Variants in PLEKHM3 observed in about 807,000 individuals in gnomAD.
PLEKHM3 encodes pleckstrin homology domain containing M3, also known as pleckstrin homology domain-containing family M member 3.
A neutral mutation model predicts 81.8 loss-of-function variants in PLEKHM3; 45 were observed. The ratio of observed to expected loss-of-function variants is 0.55; its 90% CI spans 0.43 to 0.71. The LOEUF is 0.71. PLEKHM3 is among the 30% of genes least tolerant of loss of function. The pLI is 0.00. For synonymous variants in PLEKHM3, 352 were observed against 356.4 expected, an observed-to-expected ratio of 0.99 and a Z score of 0.14; for missense variants, 788 against 924.3, an observed-to-expected ratio of 0.85 and a Z score of 1.91.
At chr2:207,960,728 C>T (rs537948505) in intron 3 of PLEKHM3, among the ~76,000 whole-genome samples, 6 of 152,248 alleles carry the variant, frequency 3.9e-5, no homozygotes, top group East Asian at 1.9e-4. Context: ...ACAGGAGAGT[C>T]GGGCTAAAGG....
At chr2:208,009,914 A>G (rs1225669081) in intron 1 of PLEKHM3, among the ~76,000 whole-genome samples, 1 of 152,148 alleles carries the variant, frequency 6.6e-6, no homozygotes, top group Non-Finnish European at 1.5e-5. Context: ...AAGCTTTTAC[A>G]TTTTTTTCTT....
chr2:207,939,448 A>G (rs1559247090), intron 4 of PLEKHM3, among the ~76,000 whole-genome samples: 1 of 152,126 alleles, frequency 6.6e-6, no homozygotes, highest in Non-Finnish European at 1.5e-5. Context: ...TAATGAAGAG[A>G]TTGGTGCTGG....
At chr2:207,916,973 A>G (rs1225652064) in intron 5 of PLEKHM3, among the ~76,000 whole-genome samples, 1 of 152,178 alleles carries the variant, frequency 6.6e-6, no homozygotes, top group Admixed American at 6.5e-5. Flanking sequence ...GCACCCTTTT[A>G]CAGTGCTGAT....
intron 6 of PLEKHM3, among the ~76,000 whole-genome samples, chr2:207,896,154 A>G (rs1688216087): frequency 6.6e-6 from 1 of 152,206 alleles, no homozygotes; most frequent in Non-Finnish European, 1.5e-5. Flanking sequence ...AAATCACAGA[A>G]TGAGGGCCCT....
chr2:207,972,099 A>C (rs1307621702), intron 3 of PLEKHM3, among the ~76,000 whole-genome samples: 1 of 152,228 alleles, frequency 6.6e-6, no homozygotes, highest in Non-Finnish European at 1.5e-5. Context: ...TGCAAATTTC[A>C]TGAAGGCAAG....
chr2:207,977,192 C>T lies in PLEKHM3; in HGVS notation c.1005G>A (p.Gln335=). Residue 335 remains glutamine, a synonymous_variant, in exon 3 of 8, where the codon CAG becomes CAA. Transcript: ENST00000427836. ...TGGTTTTCTTCTGGAAACTATGATT[C>T]TGTGTATAGTCATCATGATGGCCAA... ...PGLGHHDDYT[Q]NHSFQKKTSG... 6.2e-7 allele frequency: 1 copy of T among 1,614,178 alleles called. No individual in the cohort carries two copies. Among genetic ancestry groups the T allele is most frequent in the Non-Finnish European group, 8.5e-7 (1 of 1,180,028 alleles).
At chr2:207,990,448 CTCTTT>C in intron 2 of PLEKHM3, among the ~76,000 whole-genome samples, 1 of 152,212 alleles carries the variant, frequency 6.6e-6, no homozygotes, top group East Asian at 1.9e-4. Flanking sequence ...ACAATCATCA[CTCTTT>C]TCTTTGCATT....
intron 6 of PLEKHM3, among the ~76,000 whole-genome samples, chr2:207,881,734 A>C (rs1055343466): frequency 3.3e-5 from 5 of 152,022 alleles, no homozygotes; most frequent in African/African-American, 1.2e-4. Context: ...GGGTCTTCTT[A>C]CTCTTCTCCT....
At chr2:207,919,530 G>A (rs1483031158) in intron 5 of PLEKHM3, among the ~76,000 whole-genome samples, 2 of 152,158 alleles carry the variant, frequency 1.3e-5, no homozygotes, top group African/African-American at 4.8e-5. Flanking sequence ...CAGTGAAAGT[G>A]GTGAAAAGTG....
rs1308882933 is a variant in PLEKHM3, at chr2:207,869,622, C to T, written c.1951-8360G>A. Among the ~76,000 whole-genome samples, 3 of 152,044 alleles carry T rather than the reference C, an allele frequency of 2.0e-5. No homozygotes were observed. The East Asian group carries it at 5.8e-4, about 29-fold the overall frequency. On this transcript the variant is annotated intron_variant, in intron 6 of 7. Coordinates refer to ENST00000427836, the MANE Select transcript of PLEKHM3 (RefSeq NM_001080475.3). ...TAACAAAATTAGGTCACTTTATTGC[C>T]CTGTAACACAAAGACAAAATGTAGC...
intron 1 of PLEKHM3, among the ~76,000 whole-genome samples, chr2:208,023,499 T>C (rs571445879): frequency 1.3e-5 from 2 of 152,228 alleles, no homozygotes; most frequent in South Asian, 2.1e-4. Context: ...CACACAACAG[T>C]GAGCGATGGA....
At chr2:207,879,627 G>T (rs1574363641) in intron 6 of PLEKHM3, among the ~76,000 whole-genome samples, 1 of 152,342 alleles carries the variant, frequency 6.6e-6, no homozygotes, top group South Asian at 2.1e-4. Context: ...AAATGGAGAA[G>T]TTGCTGCCAC....
chr2:207,944,751 A>G (rs1690066083), intron 4 of PLEKHM3, among the ~76,000 whole-genome samples: 1 of 152,220 alleles, frequency 6.6e-6, no homozygotes, highest in South Asian at 2.1e-4. Flanking sequence ...GCTCCAAGCA[A>G]TAGCCAGACC....
intron 6 of PLEKHM3, among the ~76,000 whole-genome samples, chr2:207,872,216 G>A (rs2092538239): frequency 6.6e-6 from 1 of 152,134 alleles, no homozygotes; most frequent in African/African-American, 2.4e-5. Context: ...GAATTCTGAG[G>A]TCACTGGATG....
intron 6 of PLEKHM3, among the ~76,000 whole-genome samples, chr2:207,906,988 G>A (rs1004143651): frequency 6.6e-6 from 1 of 152,034 alleles, no homozygotes. Flanking sequence ...AAACAACAAC[G>A]AAAGAACAGA....
chr2:207,850,733 T>TA (rs559869787), intron 7 of PLEKHM3, among the ~76,000 whole-genome samples: 4 of 151,854 alleles, frequency 2.6e-5, no homozygotes, highest in South Asian at 4.2e-4. Flanking sequence ...ATTTAAGGAT[T>TA]AAAAAAAAAT....
chr2:207,823,161 C>A lies in PLEKHM3; in HGVS notation c.*5158G>T, dbSNP rs16840054. On this transcript the variant is annotated 3_prime_UTR_variant, in exon 8 of 8. Transcript: ENST00000427836. ...TCAAAGTCTTGTCTTTCTAACAAGA[C>A]GAACAGGCAGTGGCTTCTCTTTTCA... 2 of 152,256 alleles carry A rather than the reference C, an allele frequency of 1.3e-5. No homozygotes were observed. The highest frequency in any genetic ancestry group is 4.2e-4 in the South Asian group (2 of 4,816). 9.4% of individuals were successfully genotyped at this position (152,256 alleles called of 1,614,324 possible).
intron 3 of PLEKHM3, among the ~76,000 whole-genome samples, chr2:207,969,160 T>C (rs1007396555): frequency 6.6e-6 from 1 of 152,234 alleles, no homozygotes; most frequent in African/African-American, 2.4e-5. Context: ...AAAACAGATT[T>C]TGGCTACCTT....
chr2:207,885,376 ACT>A (rs1264649920), intron 6 of PLEKHM3, among the ~76,000 whole-genome samples: 1 of 152,092 alleles, frequency 6.6e-6, no homozygotes, highest in Non-Finnish European at 1.5e-5. Context: ...TGCTCTTCTA[ACT>A]CTAGCTTGCT....
Sources: gnomAD v4.1 joint callset for allele counts (sites outside exome capture counted in the v4.1 genomes callset) on GRCh38, gnomAD v4.1.1 for gene constraint, MANE v1.5 for transcripts, NCBI Gene and HGNC (gene_info 2026-07-23, HGNC 2026-07-21) for gene names.